TRIM44: variants seen among roughly 807,000 people sequenced by gnomAD.
The protein encoded by TRIM44 is tripartite motif containing 44, also known as tripartite motif-containing protein 44.
TRIM44 carries 13 observed loss-of-function variants against 37.4 expected under a neutral mutation model. The ratio of observed to expected loss-of-function variants is 0.35; its 90% confidence interval spans 0.23 to 0.55. TRIM44 has a LOEUF of 0.55. Ranked by LOEUF, TRIM44 falls within the 20% of genes least tolerant of loss-of-function variation. TRIM44 has a pLI of 0.89. For synonymous variants in TRIM44, 175 were observed against 157.2 expected, an observed-to-expected ratio of 1.11 and a Z score of -0.85; for missense variants, 426 against 437.2, an observed-to-expected ratio of 0.97 and a Z score of 0.23.
intron 4 of TRIM44, among the ~76,000 whole-genome samples, chr11:35,804,003 A>G (rs1314314528): frequency 6.6e-6 from 1 of 151,194 alleles, no homozygotes; most frequent in African/African-American, 2.4e-5. Context: ...AAAAAAAAAA[A>G]GGTTCTTCCT....
In TRIM44 at chr11:35,720,321, G is replaced by A. The variant is rs558795212; in HGVS notation, c.748-5603G>A. Among the ~76,000 whole-genome samples the A allele has an allele frequency of 1.7e-4, 26 of 151,976 alleles. No individual in the cohort carries two copies. In the East Asian group the frequency reaches 2.5e-3, roughly 15 times the overall value. ...GGTATTATCTTTTTAACTTAAAATC[G>A]CGCTTGTTCACTGCTGGTATATAGG... is the stretch of plus-strand genomic sequence containing the variant. On this transcript the variant is annotated intron_variant, in intron 2 of 4. Coordinates refer to ENST00000299413, the MANE Select transcript of TRIM44 (RefSeq NM_017583.6).
chr11:35,777,664 C>T (rs973790912), intron 4 of TRIM44, among the ~76,000 whole-genome samples: 1 of 152,188 alleles, frequency 6.6e-6, no homozygotes, highest in Non-Finnish European at 1.5e-5. Flanking sequence ...GTGACAAAAT[C>T]TCTCAGCATT....
At chr11:35,757,276 TA>T (rs1309198392) in intron 4 of TRIM44, among the ~76,000 whole-genome samples, 3 of 152,254 alleles carry the variant, frequency 2.0e-5, no homozygotes, top group African/African-American at 7.2e-5. Context: ...CTAGATTTTC[TA>T]ATTTATTTGC....
chr11:35,699,183 T>C (rs962434607), intron 2 of TRIM44, among the ~76,000 whole-genome samples: 8 of 151,794 alleles, frequency 5.3e-5, no homozygotes, highest in African/African-American at 1.9e-4. Context: ...TTTTGGTTAC[T>C]GTAGCCTTGT....
intron 4 of TRIM44, among the ~76,000 whole-genome samples, chr11:35,785,238 A>C (rs1853116309): frequency 6.6e-6 from 1 of 152,182 alleles, no homozygotes; most frequent in Non-Finnish European, 1.5e-5. Flanking sequence ...GTATCACCTA[A>C]AAGAAAACAG....
Position 35,807,096 on chromosome 11 carries a change from T to C in TRIM44, c.*711T>C, listed in dbSNP as rs775265165. The C allele has an allele frequency of 6.6e-6, 1 of 152,174 alleles. No individual in the cohort carries two copies. The highest frequency in any genetic ancestry group is 2.4e-5 in the African/African-American group (1 of 41,438). 9.4% of individuals were successfully genotyped at this position (152,174 alleles called of 1,614,324 possible). ...AAAAAAAGGACCAAAGAAGTCTGAT[T>C]AAAAGTTGAAATCAGTATTTCTGAA... is the stretch of plus-strand genomic sequence containing the variant. On this transcript the variant is annotated 3_prime_UTR_variant, in exon 5 of 5. Transcript: ENST00000299413.
At chr11:35,757,253 T>G (rs185938175) in intron 4 of TRIM44, among the ~76,000 whole-genome samples, 469 of 152,316 alleles carry the variant, frequency 3.1e-3, no homozygotes, top group Admixed American at 5.2e-3. Flanking sequence ...GTTGAGGAAT[T>G]TATCCATTTC....
intron 2 of TRIM44, among the ~76,000 whole-genome samples, chr11:35,715,123 G>GTC (rs1413408960): frequency 2.8e-4 from 43 of 152,152 alleles, no homozygotes; most frequent in African/African-American, 1.0e-3. Flanking sequence ...CCAATTCAGT[G>GTC]TCATGTCACT....
chr11:35,741,313 T>C (rs1852394359), intron 4 of TRIM44, among the ~76,000 whole-genome samples: 1 of 152,220 alleles, frequency 6.6e-6, no homozygotes. Context: ...CAGATGAAAG[T>C]TGAAGCCACA....
intron 2 of TRIM44, among the ~76,000 whole-genome samples, chr11:35,701,397 G>T (rs1850150884): frequency 6.6e-6 from 1 of 151,976 alleles, no homozygotes; most frequent in Non-Finnish European, 1.5e-5. Context: ...AAGTCCTTTT[G>T]AATATTACCC....
rs1413969656 is a variant in TRIM44, at chr11:35,725,978, A to G, written c.802A>G (p.Lys268Glu). ...ACAGCAGGAATTTAAGAAAGTTCAGAAAGTGATTGCTGATGAGGAGCAGAA... is the reference window on the plus strand; with the variant it reads ...ACAGCAGGAATTTAAGAAAGTTCAGGAAGTGATTGCTGATGAGGAGCAGAA... ...FIQQEFKKVQKVIADEEQKAL... is the reference protein window; with the variant it reads ...FIQQEFKKVQEVIADEEQKAL... Residue 268 changes from lysine to glutamate, a missense_variant, in exon 3 of 5, where the codon AAA becomes GAA. Physicochemically the swap from Lys to Glu is moderately conservative, Grantham distance 56 (BLOSUM62 1). Around this residue, in one of 2 missense-constraint regions of TRIM44, gnomAD observed 95 missense variants for 134.2 expected, o/e 0.71. Coordinates refer to ENST00000299413, the MANE Select transcript of TRIM44 (RefSeq NM_017583.6). The G allele has an allele frequency of 6.2e-7, 1 of 1,614,080 alleles. No homozygotes were observed.
chr11:35,748,491 A>G (rs183715952), intron 4 of TRIM44, among the ~76,000 whole-genome samples: 5 of 152,324 alleles, frequency 3.3e-5, no homozygotes, highest in Non-Finnish European at 7.3e-5. Flanking sequence ...ATATTCTCAT[A>G]ACAGACTCAG....
chr11:35,699,559 C>G (rs533539910), intron 2 of TRIM44, among the ~76,000 whole-genome samples: 2 of 152,152 alleles, frequency 1.3e-5, no homozygotes, highest in South Asian at 4.2e-4. Flanking sequence ...GGGATGCCCT[C>G]TCTCACCACT....
At position 35,806,361 on chromosome 11, in the gene TRIM44, T is replaced by C. The variant is rs1405808694; in HGVS notation, c.1011T>C (p.Gly337=). 1.9e-6 allele frequency: 3 copies of C among 1,613,688 alleles called. No homozygotes were observed. Among genetic ancestry groups the C allele is most frequent in the Non-Finnish European group, 2.5e-6 (3 of 1,179,698 alleles). Residue 337 remains glycine, a synonymous_variant, in exon 5 of 5, where the codon GGT becomes GGC. Coordinates refer to ENST00000299413, the MANE Select transcript of TRIM44 (RefSeq NM_017583.6). ...KAEGDEEGPS[G]ASEEEDT is the part of the protein sequence containing the mutation. ...TGGTTCTCCTTTTCCTTTGTAGTGG[T>C]GCCAGTGAAGAAGAGGACACATGAA... is the stretch of plus-strand genomic sequence containing the variant.
intron 4 of TRIM44, among the ~76,000 whole-genome samples, chr11:35,772,909 CA>C (rs1345637130): frequency 6.6e-6 from 1 of 152,098 alleles, no homozygotes; most frequent in Non-Finnish European, 1.5e-5. Flanking sequence ...TTAAAGGGGA[CA>C]AGGGCAGAAA....
chr11:35,716,420 T>G (rs563390498), intron 2 of TRIM44, among the ~76,000 whole-genome samples: 3 of 152,086 alleles, frequency 2.0e-5, no homozygotes, highest in Non-Finnish European at 4.4e-5. Flanking sequence ...GGTGCTAAAG[T>G]GGAGCCTCGA....
At chr11:35,753,888 C>G (rs1420385479) in intron 4 of TRIM44, among the ~76,000 whole-genome samples, 1 of 151,894 alleles carries the variant, frequency 6.6e-6, no homozygotes, top group South Asian at 2.1e-4. Flanking sequence ...GCCACCATGC[C>G]TGGCTAATTT....
At position 35,706,575 on chromosome 11, in the gene TRIM44, G is replaced by A. The variant is rs186636330; in HGVS notation, c.748-19349G>A. Among the ~76,000 whole-genome samples, 29 of 152,200 alleles carry A rather than the reference G, an allele frequency of 1.9e-4. No homozygotes were observed. The East Asian group carries it at 5.6e-3, about 29-fold the overall frequency. On this transcript the variant is annotated intron_variant, in intron 2 of 4. Coordinates refer to ENST00000299413, the MANE Select transcript of TRIM44 (RefSeq NM_017583.6). ...AAAGCTTATCCATCATGATCGAGTG[G>A]GCTTCATCCCTGGGAAGCAAGGCTG...
At chr11:35,668,364 C>G (rs555441804) in intron 1 of TRIM44, among the ~76,000 whole-genome samples, 16 of 152,188 alleles carry the variant, frequency 1.1e-4, no homozygotes, top group African/African-American at 3.6e-4. Context: ...TCTCCTTCCT[C>G]CCACCCCCTA....
Sources: allele counts gnomAD v4.1 joint callset (sites outside exome capture counted in the v4.1 genomes callset), GRCh38; gene constraint gnomAD v4.1.1; regional missense constraint gnomAD v4.1.1; transcripts MANE v1.5; gene names NCBI Gene and HGNC (gene_info 2026-07-23, HGNC 2026-07-21).